The following ZNF782 variants were observed in gnomAD, a reference collection of about 807,000 sequenced individuals.
ZNF782 encodes zinc finger protein 782.
Under a neutral mutation model 13.0 loss-of-function variants are expected in ZNF782, and 12 were observed. The observed-to-expected ratio is 0.92, with a 90% CI of 0.59 to 1.50. ZNF782 has a LOEUF of 1.50. Among genes scored for constraint, ZNF782 ranks in the 40% most tolerant of loss-of-function variants. The pLI is 0.00. For synonymous variants in ZNF782, 284 were observed against 283.0 expected (o/e 1.00, Z -0.04); for missense variants, 770 against 822.9 (o/e 0.94, Z 0.79).
At position 96,818,511 on chromosome 9, in the gene ZNF782, T is replaced by A; in HGVS notation, c.1512A>T (p.Arg504Ser). 3 of 1,614,090 alleles carry A rather than the reference T, an allele frequency of 1.9e-6. No homozygotes were observed. Among genetic ancestry groups the A allele is most frequent in the Non-Finnish European group, 2.5e-6 (3 of 1,180,032 alleles). Reference protein sequence around the residue: ...RNHRRTHTGERPYKCDECGKA... With the variant: ...RNHRRTHTGESPYKCDECGKA... ...TCCCACATTCATCACATTTATATGGTCTTTCCCCTGTGTGAGTTCTTCGGT... is the reference window on the plus strand; with the variant it reads ...TCCCACATTCATCACATTTATATGGACTTTCCCCTGTGTGAGTTCTTCGGT... Residue 504 changes from arginine to serine, a missense_variant, in exon 6 of 6, where the codon AGA (arginine) becomes AGT (serine). Transcript: ENST00000481138.
the ZNF782 span, among the ~76,000 whole-genome samples, chr9:96,905,993 C>T: frequency 6.6e-6 from 1 of 152,122 alleles, no homozygotes; most frequent in African/African-American, 2.4e-5. Context: ...GGTCAGGACC[C>T]CTTTTTGGTA....
At chr9:96,890,455 T>C in the ZNF782 span, 2 of 152,410 alleles carry the variant, frequency 1.3e-5, no homozygotes, top group Non-Finnish European at 2.9e-5. Flanking sequence ...CTAGCAAGGA[T>C]AGTTTTTGTG....
At chr9:96,821,299 TAA>T (rs1406137506) in intron 5 of ZNF782, among the ~76,000 whole-genome samples, 1 of 152,186 alleles carries the variant, frequency 6.6e-6, no homozygotes, top group Non-Finnish European at 1.5e-5. Context: ...ATATCACCAG[TAA>T]ATAGTATATT....
chr9:96,890,223 G>A, the ZNF782 span: 7 of 152,494 alleles, frequency 4.6e-5, no homozygotes, highest in African/African-American at 1.7e-4. Flanking sequence ...GAGATGAAGT[G>A]CTGATGACGC....
chr9:96,878,843 G>A (rs1262266041), upstream of ZNF782, among the ~76,000 whole-genome samples: 1 of 152,224 alleles, frequency 6.6e-6, no homozygotes, highest in East Asian at 1.9e-4. Context: ...AAATGAACAT[G>A]TAACAGATGC....
the ZNF782 span, among the ~76,000 whole-genome samples, chr9:96,911,521 G>GTTTTTTTTTTTT: frequency 1.8e-5 from 2 of 109,606 alleles, no homozygotes; most frequent in African/African-American, 7.3e-5. Context: ...TTTTTGTTTT[G>GTTTTTTTTTTTT]TTTTGTTTTT....
At chr9:96,877,790 CT>C (rs1851912459), upstream of ZNF782, among the ~76,000 whole-genome samples, 3 of 152,204 alleles carry the variant, frequency 2.0e-5, no homozygotes, top group South Asian at 6.2e-4. Context: ...AAAAATGAAG[CT>C]TACTCGGTAT....
Position 96,850,891 on chromosome 9 carries a change from A to G in ZNF782, c.15+1056T>C, listed in dbSNP as rs1267605569. 1.3e-5 allele frequency among the ~76,000 whole-genome samples: 2 copies of G among 152,222 alleles called. No individual in the cohort carries two copies. Among genetic ancestry groups the G allele is most frequent in the Non-Finnish European group, 2.9e-5 (2 of 68,026 alleles). ...ATCTTTCCAGTTTTAGTAAACATACAATATTATGAAAACTTTTGCATCTTA... is the reference window on the plus strand; with the variant it reads ...ATCTTTCCAGTTTTAGTAAACATACGATATTATGAAAACTTTTGCATCTTA... On this transcript the variant is annotated intron_variant, in intron 3 of 5. Transcript: ENST00000481138. This position sits in a 1 kb window ranked among gnomAD's most constrained non-coding sequence, Gnocchi z 4.3.
At chr9:96,910,962 A>T in the ZNF782 span, among the ~76,000 whole-genome samples, 1 of 148,950 alleles carries the variant, frequency 6.7e-6, no homozygotes, top group Admixed American at 6.7e-5. Context: ...AGTACTTTAA[A>T]AAAAGAAATT....
the ZNF782 span, among the ~76,000 whole-genome samples, chr9:96,887,023 C>T: frequency 0.12 from 18,267 of 150,818 alleles, 3,042 homozygotes; most frequent in African/African-American, 0.38. Flanking sequence ...ACAAGAAACA[C>T]AGGAAACTGG....
At chr9:96,927,186 G>T in the ZNF782 span, among the ~76,000 whole-genome samples, 1 of 152,230 alleles carries the variant, frequency 6.6e-6, no homozygotes. Flanking sequence ...GATGAGGACA[G>T]CAATGAGCTG....
chr9:96,911,628 A>T, the ZNF782 span, among the ~76,000 whole-genome samples: 26 of 146,194 alleles, frequency 1.8e-4, no homozygotes, highest in African/African-American at 6.0e-4. Flanking sequence ...TCAAGCCATT[A>T]TCCTGCCTCA....
chr9:96,863,306 T>G (rs1045780089), intron 1 of ZNF782, among the ~76,000 whole-genome samples: 1 of 151,072 alleles, frequency 6.6e-6, no homozygotes, highest in East Asian at 1.9e-4. Flanking sequence ...AAAACCACAA[T>G]GTGATACGAC....
chr9:96,907,999 T>C, the ZNF782 span, among the ~76,000 whole-genome samples: 1 of 151,748 alleles, frequency 6.6e-6, no homozygotes, highest in African/African-American at 2.4e-5. Flanking sequence ...GGGGGTGAGG[T>C]AAGATGGATA....
the ZNF782 span, among the ~76,000 whole-genome samples, chr9:96,916,098 T>C: frequency 3.0e-4 from 46 of 152,042 alleles, 1 homozygote; most frequent in Non-Finnish European, 1.5e-5. Flanking sequence ...GCATCATACT[T>C]GCACTTAAAG....
chr9:96,848,675 C>G lies in ZNF782; in HGVS notation c.15+3272G>C, dbSNP rs533780119. Among the ~76,000 whole-genome samples, 8 of 152,242 alleles carry G rather than the reference C, an allele frequency of 5.3e-5. No individual in the cohort carries two copies. The East Asian group carries it at 1.4e-3, about 26-fold the overall frequency. ...TACATAACACTGCTGAAAGAAATCA[C>G]AGGTGACACAGACAAATGGAACACA... On this transcript the variant is annotated intron_variant, in intron 3 of 5. Coordinates refer to ENST00000481138, the MANE Select transcript of ZNF782 (RefSeq NM_001001662.3).
the ZNF782 span, among the ~76,000 whole-genome samples, chr9:96,933,146 T>TAAAATCAAATATGGCATAATTTCAC: frequency 6.7e-6 from 1 of 149,452 alleles, no homozygotes; most frequent in East Asian, 2.0e-4. Context: ...CCCGGCTAAT[T>TAAAATCAAATATGGCATAATTTCAC]TTTTTGTATT....
intron 4 of ZNF782, among the ~76,000 whole-genome samples, chr9:96,839,506 T>C (rs1376667410): frequency 6.6e-6 from 1 of 152,106 alleles, no homozygotes; most frequent in Non-Finnish European, 1.5e-5. Flanking sequence ...ATCAATCTTA[T>C]CTGGAACCAT....
the ZNF782 span, chr9:96,890,808 A>G: frequency 6.6e-6 from 1 of 152,232 alleles, no homozygotes; most frequent in African/African-American, 2.4e-5. Flanking sequence ...TGATCCAGCA[A>G]TTCCACTCAG....
Sources: gnomAD v4.1 joint callset for allele counts (sites outside exome capture counted in the v4.1 genomes callset) on GRCh38, gnomAD v4.1.1 for gene constraint, Gnocchi (gnomAD v3.1) non-coding constraint, MANE v1.5 for transcripts, NCBI Gene and HGNC (gene_info 2026-07-23, HGNC 2026-07-21) for gene names.